PANK4: variants seen among roughly 807,000 people sequenced by gnomAD.
PANK4 encodes the protein 4'-phosphopantetheine phosphatase.
A neutral mutation model predicts 87.9 loss-of-function variants in PANK4; 40 were observed. The observed-to-expected ratio is 0.46, with a 90% CI of 0.35 to 0.59. PANK4 has a LOEUF of 0.59. Ranked by LOEUF, PANK4 falls within the 20% of genes least tolerant of loss-of-function variation. The probability of loss-of-function intolerance (pLI) is 0.00; values close to 1 mark genes in which losing one functional copy is unlikely to be tolerated. For missense variants in PANK4, 926 were observed against 1,072.3 expected (o/e 0.86, Z 1.90); for synonymous variants, 524 against 467.4 (o/e 1.12, Z -1.56).
Position 2,511,342 on chromosome 1 carries a change from A to C in PANK4, c.1829T>G (p.Leu610Ter). 2 of 1,608,408 alleles carry C rather than the reference A, an allele frequency of 1.2e-6. No homozygotes were observed. The highest frequency in any genetic ancestry group is 1.1e-5 in the South Asian group (1 of 91,000). ...VDSYSEWLQR[L>*]KGPPHKCALI... is the part of the protein sequence containing the mutation. Reference sequence around the variant, plus strand: ...GTGGGAGGCCCCTCCACATACCTTTAATCTCTGAAGCCACTCGCTGTAGGA... The same window carrying C: ...GTGGGAGGCCCCTCCACATACCTTTCATCTCTGAAGCCACTCGCTGTAGGA... Residue 610 changes from leucine to a stop codon, truncating the protein, a stop_gained, in exon 15 of 19, where the codon TTA (leucine) becomes TGA (stop). Coordinates refer to ENST00000378466, the MANE Select transcript of PANK4 (RefSeq NM_018216.4). LOFTEE classifies it high-confidence loss of function.
rs146354651 is a variant in PANK4 at position 2,526,574 on chromosome 1, C to T, written c.14G>A (p.Gly5Glu). 9.4e-6 allele frequency: 15 copies of T among 1,601,278 alleles called. No homozygotes were observed. In the African/African-American group the frequency reaches 1.8e-4, roughly 19 times the overall value. ...CCCGCTGCTCCCGCTGCCGCTCGCT[C>T]CACACTCCGCCATTTTGAAAGTGCC... MAEC[G>E]ASGSGSSGDS... Residue 5 changes from glycine (G) to glutamate (E), a missense_variant, in exon 1 of 19, where the codon GGA becomes GAA. Gly to Glu is a moderately conservative substitution (Grantham distance 98, BLOSUM62 -2). Coordinates refer to ENST00000378466, the MANE Select transcript of PANK4 (RefSeq NM_018216.4).
In PANK4 at chr1:2,508,886, G is replaced by C. The variant is rs1255573221; in HGVS notation, c.2283C>G (p.Leu761=). ...CCTCGTACTTGAAGATGACGCTGAA[G>C]AGCCGGCCGCCCAGCCGCTCGGCCA... ...AWLAERLGGR[L]FSVIFKYEVP... is the part of the protein sequence containing the mutation. Residue 761 remains leucine, a synonymous_variant, in exon 19 of 19, where the codon CTC becomes CTG. Transcript: ENST00000378466. The surrounding 1 kb of genome is among the most constrained non-coding windows in gnomAD (Gnocchi z 5.1). The C allele has an allele frequency of 3.1e-6, 5 of 1,607,462 alleles. No individual in the cohort carries two copies. The highest frequency in any genetic ancestry group is 2.2e-5 in the South Asian group (2 of 90,266).
At chr1:2,514,558 G>A in intron 10 of PANK4, 92 bp from the exon 11 acceptor site, 1 of 823,010 alleles carries the variant, frequency 1.2e-6, no homozygotes, top group East Asian at 2.8e-5. Flanking sequence ...GAAGGGTGGG[G>A]GTCGGCCGTG....
In PANK4 at chr1:2,513,997, C is replaced by T. The variant is rs1643712145; in HGVS notation, c.1575+5G>A. Reference sequence around the variant, plus strand: ...GAGCGGAAGGCCAGGGCACACTGCACTTACTTTGGAGTAGGGATCCGGGAA... The same window carrying T: ...GAGCGGAAGGCCAGGGCACACTGCATTTACTTTGGAGTAGGGATCCGGGAA... On this transcript the variant is annotated splice_donor_5th_base_variant and intron_variant, in intron 12 of 18. Coordinates refer to ENST00000378466, the MANE Select transcript of PANK4 (RefSeq NM_018216.4). The T allele has an allele frequency of 6.2e-7, 1 of 1,606,328 alleles. No individual in the cohort carries two copies. The highest frequency in any genetic ancestry group is 8.5e-7 in the Non-Finnish European group (1 of 1,173,960).
At position 2,514,400 on chromosome 1, in the gene PANK4, G is replaced by A. The variant is rs371467298; in HGVS notation, c.1441C>T (p.Arg481Trp). The A allele has an allele frequency of 5.6e-6, 9 of 1,612,312 alleles. No individual in the cohort carries two copies. The highest frequency in any genetic ancestry group is 1.3e-5 in the African/African-American group (1 of 74,882). The change falls in exon 11 of 19, where the codon CGG becomes TGG. Residue 481 changes from arginine to tryptophan, a missense_variant. Physicochemically the swap from Arg to Trp is moderately radical, Grantham distance 101. Coordinates refer to ENST00000378466, the MANE Select transcript of PANK4 (RefSeq NM_018216.4). ...VDAAERAEKF[R>W]QKYWNKLQTL... ...TGAAGCTTGTTCCAGTACTTCTGCC[G>A]GAACTTCTCCGCCCTCTCGGCTGCA...
At position 2,521,707 on chromosome 1, in the gene PANK4, T is replaced by A; in HGVS notation, c.207+11A>T. On this transcript the variant is annotated intron_variant, in intron 2 of 18. Coordinates refer to ENST00000378466, the MANE Select transcript of PANK4 (RefSeq NM_018216.4). ...GCTGCCCTGCCCCGGGTGGCCACAG[T>A]GCAGGCTCACCTTTCCGGAGTGGTC... The A allele has an allele frequency of 6.2e-7, 1 of 1,609,692 alleles. No homozygotes were observed. The highest frequency in any genetic ancestry group is 8.5e-7 in the Non-Finnish European group (1 of 1,176,258).
Position 2,520,745 on chromosome 1 carries a change from C to A in PANK4, c.584G>T (p.Gly195Val). 6.2e-7 allele frequency: 1 copy of A among 1,613,308 alleles called. No individual in the cohort carries two copies. Among genetic ancestry groups the A allele is most frequent in the Non-Finnish European group, 8.5e-7 (1 of 1,179,822 alleles). Residue 195 changes from glycine to valine, a missense_variant, in exon 4 of 19, where the codon GGC becomes GTC. Transcript: ENST00000378466. The surrounding 1 kb of genome is among the most constrained non-coding windows in gnomAD (Gnocchi z 6.2). The stretch of plus-strand genomic sequence containing the variant: ...TACCTTCACGATGGAGACTCCAGAG[C>A]CGATATTGACAAGAAGATAGGGGAA... ...HIFPYLLVNI[G>V]SGVSIVKVET... is the part of the protein sequence containing the mutation.
Position 2,512,559 on chromosome 1 carries a change from TC to T in PANK4, c.1727+328del, listed in dbSNP as rs1394773070. 4 of 354,744 alleles carry T rather than the reference TC, an allele frequency of 1.1e-5. No individual in the cohort carries two copies. In the East Asian group the frequency reaches 2.1e-4, roughly 18 times the overall value. 22.0% of individuals were successfully genotyped at this position (354,744 alleles called of 1,614,324 possible). ...GATCATCACATCAGAAATGTTTAAT[TC>T]CTACCACACATAGGAAACATGAATT... On this transcript the variant is annotated intron_variant, in intron 13 of 18. Coordinates refer to ENST00000378466, the MANE Select transcript of PANK4 (RefSeq NM_018216.4).
In PANK4 at chr1:2,509,857, G is replaced by T; in HGVS notation, c.2108+5C>A. 2 of 1,610,640 alleles carry T rather than the reference G, an allele frequency of 1.2e-6. No individual in the cohort carries two copies. The highest frequency in any genetic ancestry group is 1.7e-6 in the Non-Finnish European group (2 of 1,179,128). The stretch of plus-strand genomic sequence containing the variant: ...GGAGAGAACAGGTGCAGGGTGCGGG[G>T]TTACCTGAGGTCGAGGCACGGGGAG... On this transcript the variant is annotated splice_donor_5th_base_variant and intron_variant, in intron 18 of 18. Transcript: ENST00000378466. The surrounding 1 kb of genome is among the most constrained non-coding windows in gnomAD (Gnocchi z 4.9).
chr1:2,510,913 G>A lies in PANK4; in HGVS notation c.1834-131C>T. The A allele has an allele frequency of 1.5e-6, 1 of 647,050 alleles. No individual in the cohort carries two copies. Among genetic ancestry groups the A allele is most frequent in the Non-Finnish European group, 2.8e-6 (1 of 360,490 alleles). 40.1% of individuals were successfully genotyped at this position (647,050 alleles called of 1,614,324 possible). A position where few individuals can be genotyped will look rare whatever the true frequency, so the allele number is the denominator to read the frequency against. On this transcript the variant is annotated intron_variant, in intron 15 of 18. Transcript: ENST00000378466. The surrounding 1 kb of genome is among the most constrained non-coding windows in gnomAD (Gnocchi z 4.9). ...GCTTCAGGGCCCCAGAGATGCCAGG[G>A]ATGGGCTGTCCTGCAGGGGCCGAGA...
Position 2,520,417 on chromosome 1 carries a change from G to C in PANK4, c.607-3C>G, listed in dbSNP as rs746679819. On this transcript the variant is annotated splice_region_variant and splice_polypyrimidine_tract_variant and intron_variant, in intron 4 of 18. Transcript: ENST00000378466. This position sits in a 1 kb window ranked among gnomAD's most constrained non-coding sequence, Gnocchi z 6.2. ...TCGAACCTGTCCTCCGTCTCCACCT[G>C]CAACAGAGCCAGGGCAGGTGTGCCC... is the stretch of plus-strand genomic sequence containing the variant. 6.2e-7 allele frequency: 1 copy of C among 1,612,138 alleles called. No homozygotes were observed. The highest frequency in any genetic ancestry group is 8.5e-7 in the Non-Finnish European group (1 of 1,179,424).
chr1:2,513,869 T>A (rs539039967), intron 12 of PANK4, 133 bp downstream of exon 12: 1 of 739,366 alleles, frequency 1.4e-6, no homozygotes. Flanking sequence ...AGGGCTGGAG[T>A]TGGGGCCGCT....
chr1:2,518,349 C>A, intron 8 of PANK4, 85 bp from the exon 9 acceptor site: 5 of 1,041,302 alleles, frequency 4.8e-6, no homozygotes, highest in African/African-American at 1.6e-5. Context: ...GGTATAAAAT[C>A]GCTTATTAAC....
chr1:2,519,397 A>AG lies in PANK4; in HGVS notation c.854-74dup, dbSNP rs1229734062. ...ACGACATGAGAGCGAGCAGGAGGGG[A>AG]GGGGGAGAGAGAGCTGAGTGGGAGG... On this transcript the variant is annotated intron_variant, in intron 6 of 18. Coordinates refer to ENST00000378466, the MANE Select transcript of PANK4 (RefSeq NM_018216.4). This position sits in a 1 kb window ranked among gnomAD's most constrained non-coding sequence, Gnocchi z 8.3. 2.7e-6 allele frequency: 1 copy of AG among 376,044 alleles called. No individual in the cohort carries two copies. Among genetic ancestry groups the AG allele is most frequent in the Non-Finnish European group, 3.8e-6 (1 of 266,244 alleles). The allele number at this position is 376,044 out of a possible 1,614,324, so 23.3% of individuals were successfully genotyped here. A position where few individuals can be genotyped will look rare whatever the true frequency, so the allele number is the denominator to read the frequency against.
chr1:2,518,871 G>C (rs56168662), intron 7 of PANK4, among the ~76,000 whole-genome samples: 1,889 of 152,334 alleles, frequency 0.012, 17 homozygotes, highest in Middle Eastern at 0.058. Context: ...GTGCCTCTGC[G>C]GGGGCAGGGG....
At position 2,521,246 on chromosome 1, in the gene PANK4, A is replaced by G; in HGVS notation, c.277T>C (p.Phe93Leu). The change falls in exon 3 of 19, where the codon TTC (phenylalanine) becomes CTC (leucine). Residue 93 changes from phenylalanine (F) to leucine (L), a missense_variant. By Grantham distance (22) the Phe-to-Leu change is conservative (BLOSUM62 0). Transcript: ENST00000378466. ...VQEEITARLHFIKFENTYIEA... is the reference protein window; with the variant it reads ...VQEEITARLHLIKFENTYIEA... ...ATGTAGGTATTCTCAAACTTAATGAAGTGCAGTCGAGCAGTGATCTCTTCT... is the reference window on the plus strand; with the variant it reads ...ATGTAGGTATTCTCAAACTTAATGAGGTGCAGTCGAGCAGTGATCTCTTCT... 1 of 1,613,956 alleles carries G rather than the reference A, an allele frequency of 6.2e-7. No individual in the cohort carries two copies.
In PANK4 at chr1:2,515,833, A is replaced by C; in HGVS notation, c.1219-116T>G. On this transcript the variant is annotated intron_variant, in intron 9 of 18. Coordinates refer to ENST00000378466, the MANE Select transcript of PANK4 (RefSeq NM_018216.4). The surrounding 1 kb of genome is among the most constrained non-coding windows in gnomAD (Gnocchi z 5.0). ...GGGAGATGTACTGCCTTCTTCCGCC[A>C]CGTCTCTGGGCCACAGACGAGACCC... 2.8e-6 allele frequency: 3 copies of C among 1,069,152 alleles called. No individual in the cohort carries two copies. The highest frequency in any genetic ancestry group is 4.1e-6 in the Non-Finnish European group (3 of 734,962). The allele number at this position is 1,069,152 out of a possible 1,614,324, so 66.2% of individuals were successfully genotyped here.
intron 9 of PANK4, among the ~76,000 whole-genome samples, chr1:2,516,172 C>T (rs1478672817): frequency 6.6e-6 from 1 of 152,172 alleles, no homozygotes; most frequent in East Asian, 1.9e-4. Context: ...GCCGTGTCTG[C>T]ACACAGAGGT....
Position 2,515,437 on chromosome 1 carries a change from G to T in PANK4, c.1374+125C>A. 1 of 1,095,068 alleles carries T rather than the reference G, an allele frequency of 9.1e-7. No homozygotes were observed. Among genetic ancestry groups the T allele is most frequent in the Non-Finnish European group, 1.4e-6 (1 of 725,986 alleles). The allele number at this position is 1,095,068 out of a possible 1,614,324, so 67.8% of individuals were successfully genotyped here. A position where few individuals can be genotyped will look rare whatever the true frequency, so the allele number is the denominator to read the frequency against. On this transcript the variant is annotated intron_variant, in intron 10 of 18. Coordinates refer to ENST00000378466, the MANE Select transcript of PANK4 (RefSeq NM_018216.4). This position sits in a 1 kb window ranked among gnomAD's most constrained non-coding sequence, Gnocchi z 5.0. Reference sequence around the variant, plus strand: ...AAAATCGCCCCCTCACTCAGACGCAGATCAAGGGGTTTCTGGACAACACTG... The same window carrying T: ...AAAATCGCCCCCTCACTCAGACGCATATCAAGGGGTTTCTGGACAACACTG...
Sources: gnomAD v4.1 joint callset for allele counts (sites outside exome capture counted in the v4.1 genomes callset) on GRCh38, gnomAD v4.1.1 for gene constraint, Gnocchi (gnomAD v3.1) non-coding constraint, MANE v1.5 for transcripts, NCBI Gene and HGNC (gene_info 2026-07-23, HGNC 2026-07-21) for gene names.